LINGO2: variants seen among roughly 807,000 people sequenced by gnomAD.
The protein encoded by LINGO2 is leucine rich repeat and Ig domain containing 2, also known as leucine-rich repeat and immunoglobulin-like domain-containing nogo receptor-interacting protein 2.
In LINGO2, 14 loss-of-function variants were observed where a neutral mutation model predicts 30.6. That is an observed-to-expected ratio of 0.46 (90% CI 0.30 to 0.72). The LOEUF is 0.72. Ranked by LOEUF, LINGO2 falls within the 30% of genes least tolerant of loss-of-function variation. The probability of loss-of-function intolerance (pLI) is 0.07; values close to 1 mark genes in which losing one functional copy is unlikely to be tolerated. For synonymous variants in LINGO2, 317 were observed against 288.5 expected (o/e 1.10, Z -1.00); for missense variants, 729 against 751.7 (o/e 0.97, Z 0.35).
intron 5 of LINGO2, among the ~76,000 whole-genome samples, chr9:28,003,329 A>G (rs549655521): frequency 7.3e-6 from 1 of 136,622 alleles, no homozygotes; most frequent in African/African-American, 3.0e-5. Context: ...TTAACCATAT[A>G]GATATATAGA....
At chr9:28,795,610 T>C in the LINGO2 span, among the ~76,000 whole-genome samples, 7 of 151,536 alleles carry the variant, frequency 4.6e-5, no homozygotes, top group East Asian at 3.9e-4. Flanking sequence ...GATAGATACA[T>C]ATATTTTTAT....
At chr9:28,707,469 A>C in the LINGO2 span, among the ~76,000 whole-genome samples, 50 of 152,160 alleles carry the variant, frequency 3.3e-4, no homozygotes, top group Non-Finnish European at 6.5e-4. Context: ...GTTAATTTAT[A>C]TATTCTTTTC....
intron 3 of LINGO2, among the ~76,000 whole-genome samples, chr9:28,303,214 T>G (rs1005288520): frequency 1.3e-5 from 2 of 152,118 alleles, no homozygotes; most frequent in African/African-American, 4.8e-5. Flanking sequence ...TGAATATGAT[T>G]TTATTTGTTT....
intron 4 of LINGO2, among the ~76,000 whole-genome samples, chr9:28,111,993 T>G (rs951477539): frequency 1.4e-5 from 2 of 142,108 alleles, no homozygotes; most frequent in South Asian, 2.5e-4. Context: ...TGTGCCATGC[T>G]GGTGCGCTGC....
chr9:28,667,302 T>C (rs146106591), intron 1 of LINGO2, among the ~76,000 whole-genome samples: 1 of 152,330 alleles, frequency 6.6e-6, no homozygotes, highest in African/African-American at 2.4e-5. Flanking sequence ...TTCATCCAAA[T>C]GTCTGATGGC....
the LINGO2 span, among the ~76,000 whole-genome samples, chr9:29,066,493 G>C: frequency 6.6e-6 from 1 of 151,932 alleles, no homozygotes; most frequent in South Asian, 2.1e-4. Flanking sequence ...AAGGTACTCA[G>C]TGTATTTGCG....
intron 4 of LINGO2, among the ~76,000 whole-genome samples, chr9:28,020,047 T>C (rs1823035974): frequency 6.6e-6 from 1 of 152,078 alleles, no homozygotes; most frequent in Non-Finnish European, 1.5e-5. Context: ...TGCCCCCAAG[T>C]GATTCATAGA....
At chr9:28,045,935 G>T (rs1824401489) in intron 4 of LINGO2, among the ~76,000 whole-genome samples, 1 of 152,136 alleles carries the variant, frequency 6.6e-6, no homozygotes, top group Non-Finnish European at 1.5e-5. Context: ...GAAAAGCAAA[G>T]AGTTAAACTA....
intron 1 of LINGO2, among the ~76,000 whole-genome samples, chr9:28,504,822 T>C (rs968461904): frequency 6.6e-6 from 1 of 151,884 alleles, no homozygotes; most frequent in African/African-American, 2.4e-5. Context: ...AGGCAGAATA[T>C]GCTTTTTGGT....
chr9:28,815,329 T>C, the LINGO2 span, among the ~76,000 whole-genome samples: 1 of 152,240 alleles, frequency 6.6e-6, no homozygotes, highest in Admixed American at 6.5e-5. Context: ...GTAAGAGATC[T>C]GGCTGAGAGG....
intron 2 of LINGO2, among the ~76,000 whole-genome samples, chr9:28,416,779 T>G (rs1275048370): frequency 4.6e-5 from 7 of 152,278 alleles, no homozygotes; most frequent in South Asian, 2.1e-4. Context: ...AGAAGACGCT[T>G]TTATTAGGTT....
the LINGO2 span, among the ~76,000 whole-genome samples, chr9:29,080,683 G>A: frequency 6.6e-6 from 1 of 152,068 alleles, no homozygotes; most frequent in Admixed American, 6.6e-5. Flanking sequence ...CTTTATTTCT[G>A]CCTTCATTTC....
chr9:28,848,477 C>T, the LINGO2 span, among the ~76,000 whole-genome samples: 1,276 of 139,932 alleles, frequency 9.1e-3, 23 homozygotes, highest in African/African-American at 0.032. Flanking sequence ...AAGTTTCAGA[C>T]GCTATAATTT....
the LINGO2 span, among the ~76,000 whole-genome samples, chr9:28,762,749 C>A: frequency 8.7e-3 from 1,325 of 152,070 alleles, 9 homozygotes; most frequent in Non-Finnish European, 0.012. Flanking sequence ...GACATTAGTT[C>A]ATCATCTTCT....
At chr9:28,351,273 A>T (rs1158158445) in intron 3 of LINGO2, among the ~76,000 whole-genome samples, 3 of 145,626 alleles carry the variant, frequency 2.1e-5, no homozygotes, top group African/African-American at 7.6e-5. Flanking sequence ...AAAGAAAAAA[A>T]GAGAGAAGAA....
chr9:27,954,785 A>T (rs570763537), intron 5 of LINGO2, among the ~76,000 whole-genome samples: 41 of 152,338 alleles, frequency 2.7e-4, no homozygotes, highest in African/African-American at 9.6e-4. Context: ...TTGCTGGATC[A>T]TACGAGAGTT....
At chr9:28,198,238 T>G (rs927104707) in intron 4 of LINGO2, among the ~76,000 whole-genome samples, 1 of 135,066 alleles carries the variant, frequency 7.4e-6, no homozygotes, top group Admixed American at 8.1e-5. Flanking sequence ...CATTTCTCTG[T>G]GGACAAATAT....
the LINGO2 span, among the ~76,000 whole-genome samples, chr9:28,960,348 G>C: frequency 6.6e-6 from 1 of 151,780 alleles, no homozygotes; most frequent in African/African-American, 2.4e-5. Context: ...AAACACAAAA[G>C]AATTAGCCAA....
chr9:28,210,291 T>G (rs1820544342), intron 4 of LINGO2, among the ~76,000 whole-genome samples: 1 of 151,646 alleles, frequency 6.6e-6, no homozygotes, highest in South Asian at 2.1e-4. Flanking sequence ...AATTTTCTCA[T>G]ACTTTTCTAG....
Sources: gnomAD v4.1 joint callset for allele counts (sites outside exome capture counted in the v4.1 genomes callset) on GRCh38, gnomAD v4.1.1 for gene constraint, MANE v1.5 for transcripts, NCBI Gene and HGNC (gene_info 2026-07-23, HGNC 2026-07-21) for gene names.